The following TOM1L2 variants were observed in gnomAD, a reference collection of about 807,000 sequenced individuals.
TOM1L2 encodes TOM1-like protein 2.
In TOM1L2, 31 loss-of-function variants were observed where a neutral mutation model predicts 67.9. The ratio of observed to expected loss-of-function variants is 0.46; its 90% CI spans 0.34 to 0.62. TOM1L2 has a LOEUF of 0.62. Among genes scored for constraint, TOM1L2 ranks in the 20% least tolerant of loss-of-function variants. The pLI is 0.01. For synonymous variants in TOM1L2, 256 were observed against 254.0 expected (o/e 1.01, Z -0.07); for missense variants, 606 against 663.5 (o/e 0.91, Z 0.95).
At chr17:17,882,206 G>T (rs1260517186) in intron 6 of TOM1L2, among the ~76,000 whole-genome samples, 2 of 152,134 alleles carry the variant, frequency 1.3e-5, no homozygotes, top group African/African-American at 4.8e-5. Context: ...TTATGGGATA[G>T]ATCTAAGCCT....
intron 3 of TOM1L2, 91 bp downstream of exon 3, chr17:17,898,505 A>T: frequency 7.5e-7 from 1 of 1,329,888 alleles, no homozygotes. Flanking sequence ...GGTTGTGCTA[A>T]GTGGGCAGAG....
At chr17:17,950,285 T>G (rs1432735501) in intron 1 of TOM1L2, among the ~76,000 whole-genome samples, 1 of 152,158 alleles carries the variant, frequency 6.6e-6, no homozygotes, top group Non-Finnish European at 1.5e-5. Flanking sequence ...GTCTTCCGAG[T>G]AGCTGGGATT....
At chr17:17,942,287 A>G (rs141105694) in intron 1 of TOM1L2, among the ~76,000 whole-genome samples, 1 of 152,308 alleles carries the variant, frequency 6.6e-6, no homozygotes, top group Non-Finnish European at 1.5e-5. Context: ...AGGTTCCATT[A>G]ATAAATAGCA....
intron 6 of TOM1L2, 60 bp from the exon 7 acceptor site, chr17:17,879,803 A>G (rs1000164601): frequency 2.9e-6 from 4 of 1,369,166 alleles, no homozygotes; most frequent in East Asian, 2.3e-5. Context: ...TGCACTTGCA[A>G]TATCAGAATC....
intron 1 of TOM1L2, among the ~76,000 whole-genome samples, chr17:17,908,630 T>G (rs2039202549): frequency 6.6e-6 from 1 of 152,154 alleles, no homozygotes; most frequent in Non-Finnish European, 1.5e-5. Context: ...GGGAAAGGAC[T>G]TCAATAGACA....
intron 1 of TOM1L2, among the ~76,000 whole-genome samples, chr17:17,912,332 GCTC>G (rs1568251621): frequency 1.3e-5 from 2 of 150,816 alleles, no homozygotes; most frequent in African/African-American, 2.4e-5. Context: ...GGGCGGAGAC[GCTC>G]CTCACTTCCC....
At chr17:17,923,025 A>G (rs1403727700) in intron 1 of TOM1L2, among the ~76,000 whole-genome samples, 1 of 152,232 alleles carries the variant, frequency 6.6e-6, no homozygotes, top group African/African-American at 2.4e-5. Context: ...AAAAGGCCTC[A>G]AAGAGTGATT....
At chr17:17,856,917 C>T (rs1382628736) in intron 12 of TOM1L2, among the ~76,000 whole-genome samples, 2 of 152,132 alleles carry the variant, frequency 1.3e-5, no homozygotes, top group Non-Finnish European at 2.9e-5. Flanking sequence ...ATTGAACTCC[C>T]CTGGGCTTTG....
chr17:17,848,258 C>G (rs551007637), intron 14 of TOM1L2, among the ~76,000 whole-genome samples: 39 of 152,308 alleles, frequency 2.6e-4, no homozygotes, highest in Admixed American at 1.1e-3. Context: ...TCTGAAGTTT[C>G]CCTCCCTGCG....
At chr17:17,851,636 T>C (rs2035986975) in intron 12 of TOM1L2, among the ~76,000 whole-genome samples, 1 of 152,204 alleles carries the variant, frequency 6.6e-6, no homozygotes, top group South Asian at 2.1e-4. Flanking sequence ...CAAAGGGGAC[T>C]ATGGGGCTTT....
chr17:17,877,912 C>G (rs1031129152), intron 7 of TOM1L2, among the ~76,000 whole-genome samples: 48 of 152,146 alleles, frequency 3.2e-4, no homozygotes, highest in Admixed American at 4.6e-4. Flanking sequence ...CCCTCTCCCC[C>G]CAAAACACGA....
At position 17,898,792 on chromosome 17, in the gene TOM1L2, T is replaced by C. The variant is rs908084846; in HGVS notation, c.138-118A>G. Reference sequence around the variant, plus strand: ...TTGCTGGCTGCAGCATGTTTGTAAATGTAAAAGACTGGGAACAAACTGAAT... The same window carrying C: ...TTGCTGGCTGCAGCATGTTTGTAAACGTAAAAGACTGGGAACAAACTGAAT... On this transcript the variant is annotated intron_variant, in intron 2 of 14. Coordinates refer to ENST00000379504, the MANE Select transcript of TOM1L2 (RefSeq NM_001082968.2). 13 of 957,000 alleles carry C rather than the reference T, an allele frequency of 1.4e-5. No individual in the cohort carries two copies. In the Admixed American group the frequency reaches 1.8e-4, roughly 13 times the overall value. The allele number at this position is 957,000 out of a possible 1,614,324, so 59.3% of individuals were successfully genotyped here.
intron 7 of TOM1L2, among the ~76,000 whole-genome samples, chr17:17,874,018 C>T (rs1179497252): frequency 6.6e-6 from 1 of 151,676 alleles, no homozygotes; most frequent in African/African-American, 2.4e-5. Context: ...TGCAGTGGCA[C>T]AATCTCGGCT....
chr17:17,933,460 T>C (rs2040408604), intron 1 of TOM1L2, among the ~76,000 whole-genome samples: 1 of 152,164 alleles, frequency 6.6e-6, no homozygotes, highest in African/African-American at 2.4e-5. Flanking sequence ...GAACAGGTAT[T>C]GGGAGCCTGT....
At chr17:17,928,033 G>A (rs915495209) in intron 1 of TOM1L2, among the ~76,000 whole-genome samples, 1 of 152,194 alleles carries the variant, frequency 6.6e-6, no homozygotes, top group Non-Finnish European at 1.5e-5. Flanking sequence ...GGATAAAAGT[G>A]TGTGGGGCTA....
chr17:17,929,531 C>T lies in TOM1L2; in HGVS notation c.53-22000G>A, dbSNP rs145706137. On this transcript the variant is annotated intron_variant, in intron 1 of 14. Coordinates refer to ENST00000379504, the MANE Select transcript of TOM1L2 (RefSeq NM_001082968.2). The stretch of plus-strand genomic sequence containing the variant: ...CTGTAATCCCAGCTACTCAGGAGGC[C>T]GAGGCAGGAGAATCGCTTGAACCCG... Among the ~76,000 whole-genome samples the T allele has an allele frequency of 7.7e-4, 117 of 151,900 alleles. No individual in the cohort carries two copies. The East Asian group carries it at 0.018, about 23-fold the overall frequency.
Position 17,861,436 on chromosome 17 carries a change from C to T in TOM1L2, c.1278+40G>A, listed in dbSNP as rs1282244635. The T allele has an allele frequency of 3.8e-6, 6 of 1,595,614 alleles. 1 individual carries two copies. The highest frequency in any genetic ancestry group is 3.5e-4 in the Middle Eastern group (2 of 5,752). On this transcript the variant is annotated intron_variant, in intron 12 of 14. Coordinates refer to ENST00000379504, the MANE Select transcript of TOM1L2 (RefSeq NM_001082968.2). Reference sequence around the variant, plus strand: ...TTTGCCAAACCACCTGACTTTCCCTCCAGAAGACTCCAGGCAGAAAAACAG... The same window carrying T: ...TTTGCCAAACCACCTGACTTTCCCTTCAGAAGACTCCAGGCAGAAAAACAG...
intron 4 of TOM1L2, among the ~76,000 whole-genome samples, chr17:17,888,061 C>A (rs909750893): frequency 3.3e-5 from 5 of 152,154 alleles, no homozygotes; most frequent in Non-Finnish European, 7.3e-5. Context: ...TAACCTGAAG[C>A]CTGAGAGCAG....
At chr17:17,905,882 C>T (rs1481633426) in intron 2 of TOM1L2, among the ~76,000 whole-genome samples, 2 of 152,120 alleles carry the variant, frequency 1.3e-5, no homozygotes, top group African/African-American at 4.8e-5. Flanking sequence ...TCTGGGTCCC[C>T]AGTATGTCGG....
Sources: allele counts gnomAD v4.1 joint callset (sites outside exome capture counted in the v4.1 genomes callset), GRCh38; gene constraint gnomAD v4.1.1; transcripts MANE v1.5; gene names NCBI Gene and HGNC (gene_info 2026-07-23, HGNC 2026-07-21).